Variants in SRP54 observed in about 807,000 individuals in gnomAD.
The protein encoded by SRP54 is signal recognition particle subunit SRP54.
Under a neutral mutation model 64.8 loss-of-function variants are expected in SRP54, and 10 were observed. That is an observed-to-expected ratio of 0.15 (90% CI 0.10 to 0.26). The LOEUF (loss-of-function observed/expected upper bound fraction) is 0.26, where lower values mean the gene tolerates loss of function less well. Ranked by LOEUF, SRP54 falls within the 10% of genes least tolerant of loss-of-function variation. The pLI is 1.00. For synonymous variants in SRP54, 193 were observed against 185.6 expected, an observed-to-expected ratio of 1.04 and a Z score of -0.32; for missense variants, 325 against 613.7, an observed-to-expected ratio of 0.53 and a Z score of 4.97.
intron 1 of SRP54, among the ~76,000 whole-genome samples, chr14:34,994,310 A>G (rs1008987086): frequency 2.6e-5 from 4 of 152,028 alleles, no homozygotes; most frequent in East Asian, 1.9e-4. Context: ...TGTTTCTCTT[A>G]TTTTTAATCT....
chr14:35,016,801 A>C (rs541542997), intron 11 of SRP54, among the ~76,000 whole-genome samples: 5 of 144,662 alleles, frequency 3.5e-5, no homozygotes, highest in Non-Finnish European at 6.1e-5. Flanking sequence ...GAATGAATGA[A>C]TTTATCCTTT....
chr14:35,015,694 A>G (rs1043741825), intron 11 of SRP54, among the ~76,000 whole-genome samples: 1 of 152,238 alleles, frequency 6.6e-6, no homozygotes, highest in Non-Finnish European at 1.5e-5. Context: ...CTCAATGTAT[A>G]TTATTCTCAA....
At chr14:35,003,296 A>G (rs948271277) in intron 4 of SRP54, among the ~76,000 whole-genome samples, 1 of 152,144 alleles carries the variant, frequency 6.6e-6, no homozygotes, top group Non-Finnish European at 1.5e-5. Flanking sequence ...TGACATTTGC[A>G]CTGAAAACAA....
At chr14:34,997,706 A>C (rs1479839344) in intron 2 of SRP54, among the ~76,000 whole-genome samples, 2 of 152,238 alleles carry the variant, frequency 1.3e-5, no homozygotes, top group African/African-American at 2.4e-5. Flanking sequence ...GAGATCATTT[A>C]GTTCAGCCTC....
chr14:34,985,422 T>G (rs1333488876), intron 1 of SRP54, among the ~76,000 whole-genome samples: 2 of 152,270 alleles, frequency 1.3e-5, no homozygotes, highest in African/African-American at 2.4e-5. Context: ...TTGGAATCAT[T>G]TTTGCCTCTT....
chr14:34,999,760 C>A, intron 3 of SRP54, 111 bp downstream of exon 3: 1 of 730,964 alleles, frequency 1.4e-6, no homozygotes, highest in East Asian at 2.6e-5. Context: ...CTCTGCACCA[C>A]TGGAAAAGTG....
At chr14:35,009,786 G>A (rs960949699) in intron 7 of SRP54, among the ~76,000 whole-genome samples, 1 of 152,026 alleles carries the variant, frequency 6.6e-6, no homozygotes, top group Non-Finnish European at 1.5e-5. Flanking sequence ...CCAGCACTTC[G>A]GGAGGCTGAG....
At position 35,022,900 on chromosome 14, in the gene SRP54, T is replaced by C; in HGVS notation, c.1157-10T>C. On this transcript the variant is annotated splice_polypyrimidine_tract_variant and intron_variant, in intron 13 of 15. Transcript: ENST00000216774. ...TAATTGTGTGTGAGAGTAACTGACC[T>C]TGTCTACAGAACTAGACAGTACGGA... 2.1e-5 allele frequency: 34 copies of C among 1,590,498 alleles called. No homozygotes were observed. The highest frequency in any genetic ancestry group is 2.9e-5 in the Non-Finnish European group (34 of 1,167,858).
At chr14:35,012,477 A>G (rs908881675) in intron 8 of SRP54, among the ~76,000 whole-genome samples, 4 of 152,152 alleles carry the variant, frequency 2.6e-5, no homozygotes, top group Non-Finnish European at 4.4e-5. Flanking sequence ...TAATGCTAAT[A>G]AGTTTCTTTT....
intron 14 of SRP54, among the ~76,000 whole-genome samples, chr14:35,026,727 G>T (rs183058781): frequency 1.3e-5 from 2 of 152,278 alleles, no homozygotes; most frequent in East Asian, 3.9e-4. Flanking sequence ...GGCAGATCAT[G>T]AGGTCAAGAG....
At chr14:35,015,628 T>C (rs912424437) in intron 11 of SRP54, among the ~76,000 whole-genome samples, 3 of 152,244 alleles carry the variant, frequency 2.0e-5, no homozygotes, top group African/African-American at 7.2e-5. Flanking sequence ...CTACTTCATA[T>C]GGTTGTGAAG....
chr14:35,029,016 T>G, intron 15 of SRP54, 45 bp from the exon 16 acceptor site: 1 of 1,471,536 alleles, frequency 6.8e-7, no homozygotes. Flanking sequence ...CAGTTCTGCT[T>G]AATAATTCTC....
intron 1 of SRP54, among the ~76,000 whole-genome samples, chr14:34,985,169 CAA>C (rs1462874792): frequency 2.0e-5 from 3 of 152,242 alleles, no homozygotes; most frequent in East Asian, 1.9e-4. Flanking sequence ...CCTGTCTCAA[CAA>C]AAGAGACAAA....
chr14:34,984,834 T>C (rs1313206893), intron 1 of SRP54, among the ~76,000 whole-genome samples: 1 of 151,946 alleles, frequency 6.6e-6, no homozygotes, highest in Non-Finnish European at 1.5e-5. Flanking sequence ...ATCTCATGAG[T>C]TGATAGTTCT....
Position 35,007,360 on chromosome 14 carries a change from G to A in SRP54, c.333G>A (p.Gly111=), listed in dbSNP as rs908176746. The change falls in exon 5 of 16, where the codon GGG becomes GGA. Residue 111 remains glycine (G), a synonymous_variant. Coordinates refer to ENST00000216774, the MANE Select transcript of SRP54 (RefSeq NM_003136.4). ...TGATTATGTTTGTTGGATTGCAAGG[G>A]AGTGGTAAAACAACAACATGTTCAA... is the stretch of plus-strand genomic sequence containing the variant. The part of the protein sequence containing the change: ...QNVIMFVGLQ[G]SGKTTTCSKL... 5.7e-6 allele frequency: 9 copies of A among 1,591,420 alleles called. No individual in the cohort carries two copies. The highest frequency in any genetic ancestry group is 3.4e-4 in the Middle Eastern group (2 of 5,954).
chr14:35,005,908 C>T (rs1388949537), intron 4 of SRP54, among the ~76,000 whole-genome samples: 2 of 151,888 alleles, frequency 1.3e-5, no homozygotes, highest in Non-Finnish European at 2.9e-5. Context: ...GGCGCGATCT[C>T]GGCTCACTGC....
chr14:34,988,595 A>AT (rs71121253), intron 1 of SRP54, among the ~76,000 whole-genome samples: 28 of 120,268 alleles, frequency 2.3e-4, no homozygotes, highest in Non-Finnish European at 4.4e-4. Flanking sequence ...ATATATATAT[A>AT]ACATATATAT....
At chr14:35,028,858 GAT>G (rs1346482910) in intron 15 of SRP54, among the ~76,000 whole-genome samples, 4 of 152,266 alleles carry the variant, frequency 2.6e-5, no homozygotes, top group African/African-American at 9.6e-5. Context: ...AACTCCGTAA[GAT>G]AGGCTATTCA....
At chr14:34,983,457 C>T (rs975387129) in intron 1 of SRP54, among the ~76,000 whole-genome samples, 2 of 152,212 alleles carry the variant, frequency 1.3e-5, no homozygotes, top group African/African-American at 4.8e-5. Flanking sequence ...TAGGCAGTTG[C>T]AGGCCTGAGT....
Sources: gnomAD v4.1 joint callset for allele counts (sites outside exome capture counted in the v4.1 genomes callset) on GRCh38, gnomAD v4.1.1 for gene constraint, MANE v1.5 for transcripts, NCBI Gene and HGNC (gene_info 2026-07-23, HGNC 2026-07-21) for gene names.